The following OCA2 variants were observed in gnomAD, a reference collection of about 807,000 sequenced individuals.
OCA2 encodes the protein OCA2 melanosomal transmembrane protein, also known as P protein.
A neutral mutation model predicts 100.2 loss-of-function variants in OCA2; 77 were observed. That is an observed-to-expected ratio of 0.77 (90% confidence interval 0.64 to 0.93). The LOEUF (loss-of-function observed/expected upper bound fraction) is 0.93, where lower values mean the gene tolerates loss of function less well. OCA2 is among the 40% of genes least tolerant of loss of function. The probability of loss-of-function intolerance (pLI) is 0.00; values close to 1 mark genes in which losing one functional copy is unlikely to be tolerated. For missense variants in OCA2, 1,062 were observed against 1,089.1 expected (o/e 0.98, Z 0.35); for synonymous variants, 432 against 439.2 (o/e 0.98, Z 0.21).
At chr15:27,867,523 C>T (rs2036371960) in intron 21 of OCA2, among the ~76,000 whole-genome samples, 2 of 151,884 alleles carry the variant, frequency 1.3e-5, no homozygotes, top group African/African-American at 4.8e-5. Context: ...AAAGATAAAC[C>T]TGGCAGAGGC....
intron 12 of OCA2, among the ~76,000 whole-genome samples, chr15:27,985,681 G>A (rs1043744255): frequency 6.6e-6 from 1 of 150,380 alleles, no homozygotes; most frequent in Non-Finnish European, 1.5e-5. Flanking sequence ...GTTTGCAAAG[G>A]GCTTTGTTGA....
chr15:28,014,714 C>T (rs1044233610), intron 9 of OCA2, 62 bp downstream of exon 9: 29 of 1,570,810 alleles, frequency 1.8e-5, no homozygotes, highest in South Asian at 1.1e-4. Context: ...GAGTGTCTCA[C>T]GGATCTCAAG....
Position 27,985,141 on chromosome 15 carries a change from G to A in OCA2, c.1287C>T (p.Leu429=). 6.2e-7 allele frequency: 1 copy of A among 1,614,014 alleles called. No individual in the cohort carries two copies. Among genetic ancestry groups the A allele is most frequent in the Non-Finnish European group, 8.5e-7 (1 of 1,180,002 alleles). The part of the protein sequence containing the change: ...RGRVWAMIIM[L]CLIAAVLSAF... ...CAGAGAGGACGGCCGCGATGAGACA[G>A]AGCATGATGATCATGGCCCACACCC... The change falls in exon 13 of 24, where the codon CTC becomes CTT. Residue 429 remains leucine (L), a synonymous_variant. Coordinates refer to ENST00000354638, the MANE Select transcript of OCA2 (RefSeq NM_000275.3).
Position 27,800,944 on chromosome 15 carries a change from G to A in OCA2, c.2432+44015C>T, listed in dbSNP as rs139087712. 2.1e-3 allele frequency among the ~76,000 whole-genome samples: 316 copies of A among 152,222 alleles called. 4 individuals carry two copies. The highest frequency in any genetic ancestry group is 7.4e-3 in the African/African-American group (307 of 41,518). ...ACTGCATCACTGTACTCCAGCCTAG[G>A]CAACAGAGTGAGACCCTACCTCGAA... On this transcript the variant is annotated intron_variant, in intron 23 of 23. Transcript: ENST00000354638.
At chr15:27,830,150 T>C (rs568125467) in intron 23 of OCA2, among the ~76,000 whole-genome samples, 3 of 152,290 alleles carry the variant, frequency 2.0e-5, no homozygotes, top group Admixed American at 2.0e-4. Flanking sequence ...AGTAAGCTTA[T>C]AAAGTCCAAA....
chr15:27,757,299 GCAACC>G (rs2030459641), intron 23 of OCA2, among the ~76,000 whole-genome samples: 1 of 152,214 alleles, frequency 6.6e-6, no homozygotes, highest in Non-Finnish European at 1.5e-5. Context: ...CATAACAATG[GCAACC>G]TGCCATTAGT....
Position 27,871,197 on chromosome 15 carries a change from A to G in OCA2, c.2201T>C (p.Leu734Pro), listed in dbSNP as rs768934658. 7 of 1,614,190 alleles carry G rather than the reference A, an allele frequency of 4.3e-6. No individual in the cohort carries two copies. The highest frequency in any genetic ancestry group is 5.9e-6 in the Non-Finnish European group (7 of 1,180,020). The change falls in exon 21 of 24, where the codon CTG becomes CCG. Residue 734 changes from leucine to proline, a missense_variant. Leu to Pro is a moderately conservative substitution (Grantham distance 98). Transcript: ENST00000354638. Reference protein sequence around the residue: ...AIVLVVWVSALASSLIDNIPF... With the variant: ...AIVLVVWVSAPASSLIDNIPF... Reference sequence around the variant, plus strand: ...GATGTTGTCAATCAGGGACGACGCCAGGGCTGAGACCCACACCACCAGGAC... The same window carrying G: ...GATGTTGTCAATCAGGGACGACGCCGGGGCTGAGACCCACACCACCAGGAC...
chr15:27,955,261 G>C, intron 16 of OCA2, 46 bp from the exon 17 acceptor site: 1 of 1,432,010 alleles, frequency 7.0e-7, no homozygotes, highest in South Asian at 1.1e-5. Context: ...GTCACGCTGC[G>C]TGGTGAGATC....
At chr15:27,915,968 G>A (rs1323582530) in intron 19 of OCA2, among the ~76,000 whole-genome samples, 1 of 152,070 alleles carries the variant, frequency 6.6e-6, no homozygotes, top group Non-Finnish European at 1.5e-5. Context: ...ACAGTGGACT[G>A]AATAAAGAAA....
chr15:27,857,157 T>C (rs1435623034), intron 21 of OCA2, among the ~76,000 whole-genome samples: 1 of 152,186 alleles, frequency 6.6e-6, no homozygotes, highest in Non-Finnish European at 1.5e-5. Context: ...TAAAATGATG[T>C]ACAGACAGAA....
chr15:28,088,017 G>A (rs1023816500), intron 1 of OCA2, among the ~76,000 whole-genome samples: 14 of 151,688 alleles, frequency 9.2e-5, no homozygotes, highest in Non-Finnish European at 2.1e-4. Context: ...AGCTGAGACT[G>A]CACCATTGCA....
At chr15:27,956,640 G>A (rs936504778) in intron 16 of OCA2, among the ~76,000 whole-genome samples, 58 of 152,368 alleles carry the variant, frequency 3.8e-4, no homozygotes, top group African/African-American at 1.4e-3. Context: ...TGCTGCCAAA[G>A]TTGGTCATTC....
rs1188736096 is a variant in OCA2 at position 27,957,843 on chromosome 15, G to A, written c.1637-108C>T. The A allele has an allele frequency of 3.0e-6, 4 of 1,348,418 alleles. No individual in the cohort carries two copies. Among genetic ancestry groups the A allele is most frequent in the African/African-American group, 2.9e-5 (2 of 69,714 alleles). The allele number at this position is 1,348,418 out of a possible 1,614,324, so 83.5% of individuals were successfully genotyped here. A position where few individuals can be genotyped will look rare whatever the true frequency, so the allele number is the denominator to read the frequency against. ...TGCCTGACAGAGCAGACACACACTCGAGACGTGCAGGTAGCCCAGGGTCAC... is the reference window on the plus strand; with the variant it reads ...TGCCTGACAGAGCAGACACACACTCAAGACGTGCAGGTAGCCCAGGGTCAC... On this transcript the variant is annotated intron_variant, in intron 15 of 23. Transcript: ENST00000354638. The surrounding 1 kb of genome is among the most constrained non-coding windows in gnomAD (Gnocchi z 4.3).
intron 23 of OCA2, among the ~76,000 whole-genome samples, chr15:27,817,598 A>G (rs2034350991): frequency 6.6e-6 from 1 of 152,078 alleles, no homozygotes; most frequent in African/African-American, 2.4e-5. Flanking sequence ...CCAACTTTCC[A>G]GCCCCTCACC....
chr15:27,933,555 G>A lies in OCA2; in HGVS notation c.1952-7301C>T, dbSNP rs138941928. On this transcript the variant is annotated intron_variant, in intron 18 of 23. Coordinates refer to ENST00000354638, the MANE Select transcript of OCA2 (RefSeq NM_000275.3). ...ACCTGGGTGCAGGCGAGCTGAGTTC[G>A]AAAAGAGAGTCAGCGAAGGGAGTTA... 1.1e-4 allele frequency among the ~76,000 whole-genome samples: 17 copies of A among 152,314 alleles called. No individual in the cohort carries two copies. The East Asian group carries it at 2.3e-3, about 21-fold the overall frequency.
At chr15:27,925,085 A>G (rs960704987) in intron 19 of OCA2, among the ~76,000 whole-genome samples, 1 of 152,212 alleles carries the variant, frequency 6.6e-6, no homozygotes, top group Non-Finnish European at 1.5e-5. Flanking sequence ...CTCAAGATAC[A>G]TGAAGCAAAA....
intron 19 of OCA2, among the ~76,000 whole-genome samples, chr15:27,905,210 G>A (rs903138094): frequency 1.3e-5 from 2 of 150,728 alleles, no homozygotes; most frequent in Admixed American, 1.3e-4. Context: ...GAGGACAATG[G>A]CAGTGGTATA....
intron 19 of OCA2, among the ~76,000 whole-genome samples, chr15:27,925,686 A>G (rs1190395749): frequency 6.6e-6 from 1 of 152,198 alleles, no homozygotes; most frequent in Non-Finnish European, 1.5e-5. Flanking sequence ...TTTGTGAGTA[A>G]TTTTGTAACA....
At chr15:27,883,259 C>T (rs926844354) in intron 19 of OCA2, among the ~76,000 whole-genome samples, 1 of 152,090 alleles carries the variant, frequency 6.6e-6, no homozygotes, top group Non-Finnish European at 1.5e-5. Context: ...AAAACCACCC[C>T]GAGAGGGTCC....
Sources: gnomAD v4.1 joint callset for allele counts (sites outside exome capture counted in the v4.1 genomes callset) on GRCh38, gnomAD v4.1.1 for gene constraint, Gnocchi (gnomAD v3.1) non-coding constraint, MANE v1.5 for transcripts, NCBI Gene and HGNC (gene_info 2026-07-23, HGNC 2026-07-21) for gene names.